Variants in FAM90A20 observed in about 807,000 individuals in gnomAD.
The protein encoded by FAM90A20 is protein FAM90A20.
the FAM90A20 span, chr8:7,296,526 C>T: frequency 1.6e-6 from 1 of 630,678 alleles, no homozygotes; most frequent in East Asian, 3.0e-5. Flanking sequence ...TCAGGGCCTC[C>T]ACGATCCTTG....
the FAM90A20 span, chr8:7,297,766 C>T: frequency 6.8e-7 from 1 of 1,471,992 alleles, no homozygotes; most frequent in South Asian, 1.1e-5. Flanking sequence ...GCACCATGTC[C>T]CATCACCCAG....
chr8:7,297,817 C>G, the FAM90A20 span: 3 of 1,140,110 alleles, frequency 2.6e-6, no homozygotes, highest in Non-Finnish European at 3.8e-6. Context: ...GAGTGCTCTT[C>G]CGGAGACTGG....
At chr8:7,297,699 C>A in the FAM90A20 span, 4 of 1,429,948 alleles carry the variant, frequency 2.8e-6, no homozygotes, top group Non-Finnish European at 2.9e-6. Flanking sequence ...GCCCAGGTGC[C>A]CAGCGTTGAA....
At chr8:7,297,714 A>G in the FAM90A20 span, 2 of 1,475,082 alleles carry the variant, frequency 1.4e-6, no homozygotes, top group South Asian at 1.1e-5. Context: ...GTTGAACGGC[A>G]GCCTCCGCAC....
At chr8:7,297,236 C>T in the FAM90A20 span, 3 of 1,496,992 alleles carry the variant, frequency 2.0e-6, no homozygotes, top group Non-Finnish European at 2.7e-6. Flanking sequence ...AAAGGAAAGA[C>T]AGACAGGGGC....
chr8:7,297,319 C>T, the FAM90A20 span: 9 of 1,362,426 alleles, frequency 6.6e-6, no homozygotes, highest in Non-Finnish European at 7.2e-6. Flanking sequence ...AGCCGACACA[C>T]AGCAGCCCTG....
the FAM90A20 span, among the ~76,000 whole-genome samples, chr8:7,296,576 C>T: frequency 1.5e-5 from 2 of 135,540 alleles, no homozygotes; most frequent in Admixed American, 6.9e-5. Context: ...CTGAAGATGC[C>T]GTATTTCCTG....
chr8:7,297,657 G>A, the FAM90A20 span: 1 of 1,396,598 alleles, frequency 7.2e-7, no homozygotes, highest in South Asian at 1.1e-5. Flanking sequence ...CTTGGACCAA[G>A]TAGGTCGCCC....
the FAM90A20 span, chr8:7,295,690 G>C: frequency 1.4e-5 from 10 of 719,324 alleles, 2 homozygotes; most frequent in South Asian, 1.4e-4. Context: ...GGTGCCCCAT[G>C]AAGTGCTGGA....
chr8:7,297,519 C>G, the FAM90A20 span: 1 of 1,514,912 alleles, frequency 6.6e-7, no homozygotes. Flanking sequence ...GCCCAGGCTC[C>G]GATTCAGGCT....
the FAM90A20 span, chr8:7,297,277 G>T: frequency 7.3e-7 from 1 of 1,379,124 alleles, no homozygotes; most frequent in Admixed American, 1.7e-5. Flanking sequence ...CTGCAGTCAG[G>T]CACCAGGTCC....
chr8:7,295,995 C>T, the FAM90A20 span, among the ~76,000 whole-genome samples: 8 of 128,390 alleles, frequency 6.2e-5, 2 homozygotes, highest in Admixed American at 3.5e-4. Flanking sequence ...CACCCAGGAG[C>T]TCCTTGGGCT....
chr8:7,297,767 C>G, the FAM90A20 span: 1 of 1,469,308 alleles, frequency 6.8e-7, no homozygotes, highest in Non-Finnish European at 9.2e-7. Flanking sequence ...CACCATGTCC[C>G]ATCACCCAGC....
the FAM90A20 span, chr8:7,297,080 C>G: frequency 2.0e-6 from 3 of 1,506,636 alleles, no homozygotes; most frequent in Middle Eastern, 2.3e-4. Flanking sequence ...GGGGCCAATG[C>G]CGGTCCACAC....
At chr8:7,296,158 A>G in the FAM90A20 span, 1 of 620,416 alleles carries the variant, frequency 1.6e-6, no homozygotes, top group South Asian at 1.7e-5. Context: ...GGGAAGGTGC[A>G]GAGGCGGAAA....
At chr8:7,297,246 C>A in the FAM90A20 span, 4 of 1,469,334 alleles carry the variant, frequency 2.7e-6, no homozygotes, top group Non-Finnish European at 3.7e-6. Flanking sequence ...CAGACAGGGG[C>A]TGCCGCCGAC....
At chr8:7,296,981 A>C in the FAM90A20 span, 2 of 1,214,456 alleles carry the variant, frequency 1.6e-6, no homozygotes, top group Non-Finnish European at 2.3e-6. Flanking sequence ...TGGTGTGTGC[A>C]CCTTGTCTTT....
At chr8:7,295,734 A>G in the FAM90A20 span, 5 of 1,086,706 alleles carry the variant, frequency 4.6e-6, no homozygotes, top group Admixed American at 3.5e-5. Context: ...TTGGGGAAAA[A>G]GGAAGGGAAG....
the FAM90A20 span, chr8:7,296,945 C>A: frequency 1.1e-6 from 1 of 891,538 alleles, no homozygotes; most frequent in Non-Finnish European, 1.7e-6. Context: ...CAAGGACCGC[C>A]TGTCGATACT....
Sources: allele counts gnomAD v4.1 joint callset (sites outside exome capture counted in the v4.1 genomes callset), GRCh38; gene constraint gnomAD v4.1.1; transcripts MANE v1.5; gene names NCBI Gene and HGNC (gene_info 2026-07-23, HGNC 2026-07-21).